Variants in HS3ST5 observed in about 807,000 individuals in gnomAD.
HS3ST5 encodes heparan sulfate-glucosamine 3-sulfotransferase 5.
A neutral mutation model predicts 25.4 loss-of-function variants in HS3ST5; 10 were observed. The observed-to-expected ratio is 0.39, with a 90% CI of 0.24 to 0.67. HS3ST5 has a LOEUF of 0.67. HS3ST5 is among the 30% of genes least tolerant of loss of function. HS3ST5 has a pLI of 0.44. For synonymous variants in HS3ST5, 170 were observed against 162.4 expected, an observed-to-expected ratio of 1.05 and a Z score of -0.36; for missense variants, 324 against 420.7, an observed-to-expected ratio of 0.77 and a Z score of 2.01.
chr6:114,236,196 A>C (rs1222502913), intron 1 of HS3ST5, among the ~76,000 whole-genome samples: 1 of 152,200 alleles, frequency 6.6e-6, no homozygotes, highest in Non-Finnish European at 1.5e-5. Context: ...GTCTTCTAAA[A>C]AAGTGCTCAT....
chr6:114,254,308 CT>C (rs1453912856), intron 1 of HS3ST5, among the ~76,000 whole-genome samples: 1 of 152,182 alleles, frequency 6.6e-6, no homozygotes, highest in Non-Finnish European at 1.5e-5. Context: ...TTCAACATGG[CT>C]TCAAAATAGT....
intron 3 of HS3ST5, among the ~76,000 whole-genome samples, chr6:114,085,836 G>T (rs1774771092): frequency 1.3e-5 from 2 of 151,662 alleles, no homozygotes; most frequent in African/African-American, 2.4e-5. Flanking sequence ...AACAGTGAGG[G>T]TGATATAAAT....
chr6:114,287,639 T>A (rs191516571), intron 1 of HS3ST5, among the ~76,000 whole-genome samples: 1 of 152,154 alleles, frequency 6.6e-6, no homozygotes, highest in Admixed American at 6.6e-5. Flanking sequence ...AATCTTGTGG[T>A]ATGGCTGTTT....
intron 1 of HS3ST5, among the ~76,000 whole-genome samples, chr6:114,287,372 T>A (rs1339587093): frequency 6.6e-6 from 1 of 151,940 alleles, no homozygotes; most frequent in East Asian, 1.9e-4. Flanking sequence ...AAGGATCACA[T>A]CTCCAGTAAG....
intron 3 of HS3ST5, among the ~76,000 whole-genome samples, chr6:114,077,996 T>C (rs1774238669): frequency 6.6e-6 from 1 of 152,220 alleles, no homozygotes; most frequent in Non-Finnish European, 1.5e-5. Context: ...TGCTGATTTT[T>C]AACATTAAAT....
At chr6:114,263,968 G>A (rs940782835) in intron 1 of HS3ST5, among the ~76,000 whole-genome samples, 1 of 151,682 alleles carries the variant, frequency 6.6e-6, no homozygotes, top group South Asian at 2.1e-4. Flanking sequence ...AGAACATAAA[G>A]AGTCCCCACA....
chr6:114,256,288 T>C (rs963994204), intron 1 of HS3ST5, among the ~76,000 whole-genome samples: 11 of 150,880 alleles, frequency 7.3e-5, no homozygotes, highest in Admixed American at 5.3e-4. Context: ...CCCGGGAGGC[T>C]GAGGCAGGAG....
At chr6:114,204,163 A>G (rs766757051) in intron 2 of HS3ST5, among the ~76,000 whole-genome samples, 9 of 152,186 alleles carry the variant, frequency 5.9e-5, no homozygotes, top group Non-Finnish European at 1.3e-4. Context: ...GTGTGGTTAC[A>G]TTCTTGGTCT....
intron 2 of HS3ST5, among the ~76,000 whole-genome samples, chr6:114,175,980 C>A (rs1451423982): frequency 6.6e-6 from 1 of 152,080 alleles, no homozygotes; most frequent in Non-Finnish European, 1.5e-5. Context: ...CTAGTAACAC[C>A]CACAGAATTG....
At chr6:114,237,352 A>ATTTT (rs1771906841) in intron 1 of HS3ST5, among the ~76,000 whole-genome samples, 1 of 151,428 alleles carries the variant, frequency 6.6e-6, no homozygotes, top group Non-Finnish European at 1.5e-5. Flanking sequence ...TAATGAAAAT[A>ATTTT]GCTCTTAACT....
chr6:114,067,851 A>G (rs979139889), intron 3 of HS3ST5, among the ~76,000 whole-genome samples: 3 of 152,200 alleles, frequency 2.0e-5, no homozygotes, highest in Non-Finnish European at 2.9e-5. Flanking sequence ...TTGGGAGTCA[A>G]AAGACCTTGG....
At chr6:114,064,599 A>T (rs76181195) in intron 3 of HS3ST5, among the ~76,000 whole-genome samples, 1,616 of 152,344 alleles carry the variant, frequency 0.011, 15 homozygotes, top group South Asian at 0.024. Flanking sequence ...TACTTATGGA[A>T]CATGTCTTAT....
chr6:114,293,436 C>A (rs1441495416), intron 1 of HS3ST5, among the ~76,000 whole-genome samples: 3 of 152,130 alleles, frequency 2.0e-5, no homozygotes, highest in Non-Finnish European at 4.4e-5. Context: ...TCACTGAAGT[C>A]TTTGATTCAG....
intron 1 of HS3ST5, among the ~76,000 whole-genome samples, chr6:114,336,350 G>A (rs1324339009): frequency 2.0e-5 from 3 of 152,116 alleles, no homozygotes; most frequent in African/African-American, 4.8e-5. Flanking sequence ...GGCTCACGCC[G>A]GTAATCCCAC....
intron 3 of HS3ST5, among the ~76,000 whole-genome samples, chr6:114,108,781 G>A (rs1177892650): frequency 6.6e-6 from 1 of 152,104 alleles, no homozygotes; most frequent in Non-Finnish European, 1.5e-5. Context: ...TGTAGTGACA[G>A]GTATATACAT....
chr6:114,254,675 C>T (rs148087083), intron 1 of HS3ST5, among the ~76,000 whole-genome samples: 1,702 of 152,134 alleles, frequency 0.011, 16 homozygotes, highest in Non-Finnish European at 0.018. Context: ...CTCACAATCA[C>T]GGTGGAAGGT....
intron 1 of HS3ST5, among the ~76,000 whole-genome samples, chr6:114,288,132 A>G (rs1423135915): frequency 6.6e-6 from 1 of 152,128 alleles, no homozygotes; most frequent in Non-Finnish European, 1.5e-5. Context: ...TGCATAATTA[A>G]TCCATTAGGA....
At chr6:114,227,652 A>G (rs1176465289) in intron 2 of HS3ST5, among the ~76,000 whole-genome samples, 4 of 152,080 alleles carry the variant, frequency 2.6e-5, no homozygotes, top group Non-Finnish European at 5.9e-5. Flanking sequence ...AAAGTAATGG[A>G]AAGAGGTATT....
chr6:114,275,018 A>G (rs1457805121), intron 1 of HS3ST5, among the ~76,000 whole-genome samples: 4 of 151,868 alleles, frequency 2.6e-5, no homozygotes, highest in Non-Finnish European at 4.4e-5. Flanking sequence ...CAACTACACA[A>G]CTATACACCT....
Sources: allele counts gnomAD v4.1 joint callset (sites outside exome capture counted in the v4.1 genomes callset), GRCh38; gene constraint gnomAD v4.1.1; transcripts MANE v1.5; gene names NCBI Gene and HGNC (gene_info 2026-07-23, HGNC 2026-07-21).